TRPM3: variants seen among roughly 807,000 people sequenced by gnomAD.
TRPM3 encodes transient receptor potential cation channel subfamily M member 3, also known as long transient receptor potential channel 3.
TRPM3 carries 77 observed loss-of-function variants against 181.2 expected under a neutral mutation model. The ratio of observed to expected loss-of-function variants is 0.42; its 90% confidence interval spans 0.35 to 0.51. The LOEUF (loss-of-function observed/expected upper bound fraction) is 0.51, where lower values mean the gene tolerates loss of function less well. Ranked by LOEUF, TRPM3 falls within the 20% of genes least tolerant of loss-of-function variation. The pLI is 0.01. For missense variants in TRPM3, 1,759 were observed against 2,196.7 expected (o/e 0.80, Z 3.98); for synonymous variants, 745 against 796.4 (o/e 0.94, Z 1.09).
intron 1 of TRPM3, among the ~76,000 whole-genome samples, chr9:71,181,662 T>C (rs1480433529): frequency 6.6e-6 from 1 of 152,114 alleles, no homozygotes; most frequent in Non-Finnish European, 1.5e-5. Context: ...GTTTTTCTCT[T>C]TGAAACAAAA....
At chr9:70,641,090 C>G (rs911719552) in intron 9 of TRPM3, among the ~76,000 whole-genome samples, 1 of 152,130 alleles carries the variant, frequency 6.6e-6, no homozygotes, top group South Asian at 2.1e-4. Context: ...AAAAATGTCT[C>G]CAGACATTGC....
intron 1 of TRPM3, among the ~76,000 whole-genome samples, chr9:71,194,751 A>G (rs1427836707): frequency 6.6e-6 from 1 of 151,928 alleles, no homozygotes; most frequent in Non-Finnish European, 1.5e-5. Flanking sequence ...TGGTTCCACT[A>G]CAGTACTGAA....
intron 1 of TRPM3, among the ~76,000 whole-genome samples, chr9:71,267,428 C>T (rs1353592968): frequency 6.6e-6 from 1 of 152,174 alleles, no homozygotes; most frequent in Non-Finnish European, 1.5e-5. Context: ...GAGCACTCAG[C>T]TCTGTAGATG....
At chr9:70,539,924 T>A (rs910994538) in intron 25 of TRPM3, among the ~76,000 whole-genome samples, 1 of 152,274 alleles carries the variant, frequency 6.6e-6, no homozygotes, top group African/African-American at 2.4e-5. Flanking sequence ...AACCTTAACC[T>A]CCTGGGCACA....
At chr9:70,647,464 A>G (rs576020404) in intron 9 of TRPM3, among the ~76,000 whole-genome samples, 1 of 152,360 alleles carries the variant, frequency 6.6e-6, no homozygotes, top group South Asian at 2.1e-4. Context: ...TAATAGACAC[A>G]GAAAAAGCTT....
intron 1 of TRPM3, among the ~76,000 whole-genome samples, chr9:71,216,637 T>C (rs1366415473): frequency 6.6e-6 from 1 of 152,206 alleles, no homozygotes; most frequent in Non-Finnish European, 1.5e-5. Context: ...ACATTTGCAC[T>C]GAACTCAATA....
rs71367210 is a variant in TRPM3 at position 70,664,641 on chromosome 9, G to GTTTTTTTTTTTTTTT, written c.1345+16850_1345+16864dup. ...ACAACCACACCCGATTAGGAGAGTA[G>GTTTTTTTTTTTTTTT]TTTTTTTTTTTTTTTTTTTTTTTTT... On this transcript the variant is annotated intron_variant, in intron 9 of 25. Coordinates refer to ENST00000677713, the MANE Select transcript of TRPM3 (RefSeq NM_001366145.2). Among the ~76,000 whole-genome samples, 2 of 100,220 alleles carry GTTTTTTTTTTTTTTT rather than the reference G, an allele frequency of 2.0e-5. 1 individual carries two copies. The highest frequency in any genetic ancestry group is 4.1e-5 in the Non-Finnish European group (2 of 49,260). 65.7% of individuals were successfully genotyped at this position (100,220 alleles called of 152,430 possible).
At chr9:70,689,920 A>T (rs1275100645) in intron 8 of TRPM3, among the ~76,000 whole-genome samples, 2 of 152,158 alleles carry the variant, frequency 1.3e-5, no homozygotes, top group Admixed American at 6.6e-5. Flanking sequence ...TCTAAAACTC[A>T]GCAGGTCTTA....
chr9:71,190,589 T>A (rs1220341729), intron 1 of TRPM3, among the ~76,000 whole-genome samples: 1 of 151,926 alleles, frequency 6.6e-6, no homozygotes, highest in Non-Finnish European at 1.5e-5. Context: ...ATAAAGGGAA[T>A]GTTTAATTTT....
chr9:71,427,438 C>T (rs1032278535), intron 1 of TRPM3, among the ~76,000 whole-genome samples: 10 of 152,018 alleles, frequency 6.6e-5, no homozygotes, highest in African/African-American at 1.9e-4. Context: ...ATGCTAACAT[C>T]GAGAACCACC....
intron 1 of TRPM3, chr9:70,869,083 G>T: frequency 1.0e-6 from 1 of 983,448 alleles, no homozygotes; most frequent in Non-Finnish European, 1.2e-6. Flanking sequence ...CGTTAATAAT[G>T]CTCTTATGAC....
In TRPM3 at chr9:70,629,710, C is replaced by T. The variant is rs182993456; in HGVS notation, c.1633-4193G>A. Among the ~76,000 whole-genome samples, 153 of 152,210 alleles carry T rather than the reference C, an allele frequency of 1.0e-3. 1 individual carries two copies. The South Asian group carries it at 0.023, about 23-fold the overall frequency. On this transcript the variant is annotated intron_variant, in intron 12 of 25. Transcript: ENST00000677713. ...AACCCAGAGTGGATGAAGGATTAGG[C>T]GCTAAGGAATGAGTCAGATGCTCTC...
Position 71,426,065 on chromosome 9 carries a change from C to T in TRPM3, c.183+20588G>A, listed in dbSNP as rs545490556. ...TTGTGCCAGTTATTTTATGCCACTG[C>T]ACTTTTTGTATTTCACAATTAGGTT... On this transcript the variant is annotated intron_variant, in intron 1 of 24. Transcript: ENST00000357533. Among the ~76,000 whole-genome samples, 25 of 152,214 alleles carry T rather than the reference C, an allele frequency of 1.6e-4. No individual in the cohort carries two copies. The South Asian group carries it at 5.0e-3, about 30-fold the overall frequency.
chr9:71,086,693 T>C (rs2065320827), intron 1 of TRPM3, among the ~76,000 whole-genome samples: 1 of 152,002 alleles, frequency 6.6e-6, no homozygotes, highest in African/African-American at 2.4e-5. Flanking sequence ...TCCTCTTCCC[T>C]TGCAGAAGCT....
intron 1 of TRPM3, among the ~76,000 whole-genome samples, chr9:71,068,348 G>A (rs1055404810): frequency 6.6e-6 from 1 of 152,168 alleles, no homozygotes; most frequent in African/African-American, 2.4e-5. Context: ...AAAGGAACAA[G>A]AGATACTCTG....
intron 1 of TRPM3, among the ~76,000 whole-genome samples, chr9:71,311,162 C>T (rs967896041): frequency 2.6e-5 from 4 of 151,806 alleles, no homozygotes; most frequent in Admixed American, 2.6e-4. Context: ...CATGTTTATT[C>T]CTGCAGAAAT....
chr9:70,945,676 G>GA (rs1386200101), intron 1 of TRPM3, among the ~76,000 whole-genome samples: 3 of 152,256 alleles, frequency 2.0e-5, no homozygotes, highest in South Asian at 4.1e-4. Context: ...ATAGTCAGCT[G>GA]AAAACCTGAG....
chr9:70,616,985 T>C (rs533307942), intron 17 of TRPM3, among the ~76,000 whole-genome samples: 2 of 152,292 alleles, frequency 1.3e-5, no homozygotes, highest in South Asian at 4.1e-4. Context: ...CTTCTGAAGA[T>C]GAACCTCCTT....
At chr9:70,850,243 C>T (rs2095170910) in intron 3 of TRPM3, among the ~76,000 whole-genome samples, 1 of 152,118 alleles carries the variant, frequency 6.6e-6, no homozygotes, top group Non-Finnish European at 1.5e-5. Flanking sequence ...TTTCAGATAT[C>T]TATCAACAGA....
Sources: gnomAD v4.1 joint callset for allele counts (sites outside exome capture counted in the v4.1 genomes callset) on GRCh38, gnomAD v4.1.1 for gene constraint, MANE v1.5 for transcripts, NCBI Gene and HGNC (gene_info 2026-07-23, HGNC 2026-07-21) for gene names.